The following SDCCAG8 variants were observed in gnomAD, a reference collection of about 807,000 sequenced individuals.
The protein encoded by SDCCAG8 is serologically defined colon cancer antigen 8.
In SDCCAG8, 74 loss-of-function variants were observed where a neutral mutation model predicts 101.8. The observed-to-expected ratio is 0.73, with a 90% CI of 0.60 to 0.88. The LOEUF is 0.88. Among genes scored for constraint, SDCCAG8 ranks in the 40% least tolerant of loss-of-function variants. The pLI, the probability that SDCCAG8 is intolerant of heterozygous loss-of-function variation, is 0.00. For synonymous variants in SDCCAG8, 281 were observed against 292.9 expected, an observed-to-expected ratio of 0.96 and a Z score of 0.41; for missense variants, 787 against 822.6, an observed-to-expected ratio of 0.96 and a Z score of 0.53.
At chr1:243,324,650 G>C (rs926448585) in intron 9 of SDCCAG8, among the ~76,000 whole-genome samples, 16 of 151,918 alleles carry the variant, frequency 1.1e-4, no homozygotes, top group Admixed American at 1.1e-3. Flanking sequence ...CTTATACCAA[G>C]TATGCAGACA....
intron 13 of SDCCAG8, among the ~76,000 whole-genome samples, chr1:243,403,704 G>A (rs1053986121): frequency 1.3e-5 from 2 of 152,116 alleles, no homozygotes; most frequent in Non-Finnish European, 2.9e-5. Flanking sequence ...TCTAGGTTGT[G>A]CACTCCTTAT....
At chr1:243,342,593 T>C (rs1249906586) in intron 11 of SDCCAG8, among the ~76,000 whole-genome samples, 2 of 152,226 alleles carry the variant, frequency 1.3e-5, no homozygotes, top group Non-Finnish European at 2.9e-5. Flanking sequence ...ATAATTATTA[T>C]CTTCTGATGT....
intron 12 of SDCCAG8, among the ~76,000 whole-genome samples, chr1:243,374,483 A>C (rs965863113): frequency 9.9e-5 from 15 of 152,126 alleles, no homozygotes; most frequent in African/African-American, 3.1e-4. Flanking sequence ...AGTACTAAGA[A>C]TCAGGATGGC....
chr1:243,378,624 CA>C, intron 12 of SDCCAG8, 96 bp from the exon 13 acceptor site: 1 of 1,339,840 alleles, frequency 7.5e-7, no homozygotes, highest in Non-Finnish European at 1.0e-6. Flanking sequence ...AATTTTTTAT[CA>C]AATTGAAATT....
chr1:243,302,923 C>G (rs1268573367), intron 6 of SDCCAG8, among the ~76,000 whole-genome samples: 1 of 152,154 alleles, frequency 6.6e-6, no homozygotes, highest in Admixed American at 6.5e-5. Context: ...TAGAAAAAGC[C>G]ATGAAAGTCA....
intron 4 of SDCCAG8, among the ~76,000 whole-genome samples, chr1:243,277,988 G>C (rs970704981): frequency 1.3e-5 from 2 of 152,048 alleles, no homozygotes; most frequent in Non-Finnish European, 2.9e-5. Context: ...TGGGACTTTT[G>C]CATCTCCCTG....
intron 10 of SDCCAG8, among the ~76,000 whole-genome samples, chr1:243,335,232 T>C (rs2074916446): frequency 6.6e-6 from 1 of 152,136 alleles, no homozygotes; most frequent in African/African-American, 2.4e-5. Flanking sequence ...GGCATTTTCG[T>C]TGAGCTTCCA....
At chr1:243,329,323 A>G (rs1362153232) in intron 9 of SDCCAG8, among the ~76,000 whole-genome samples, 1 of 152,174 alleles carries the variant, frequency 6.6e-6, no homozygotes, top group Non-Finnish European at 1.5e-5. Context: ...GAAACTTTTC[A>G]GAAGAGACCA....
chr1:243,348,125 T>C (rs1178707494), intron 12 of SDCCAG8, among the ~76,000 whole-genome samples: 1 of 140,594 alleles, frequency 7.1e-6, no homozygotes. Flanking sequence ...AAGCTCCGCC[T>C]CCCGGGTTCA....
chr1:243,402,643 G>GGCTGCCACTCCAGACGTC (rs2079486797), intron 13 of SDCCAG8, among the ~76,000 whole-genome samples: 1 of 152,098 alleles, frequency 6.6e-6, no homozygotes, highest in African/African-American at 2.4e-5. Flanking sequence ...CGTGGCCAGT[G>GGCTGCCACTCCAGACGTC]GCTGCCACTC....
chr1:243,284,885 G>C (rs2069446513), intron 4 of SDCCAG8, among the ~76,000 whole-genome samples: 1 of 151,910 alleles, frequency 6.6e-6, no homozygotes, highest in Non-Finnish European at 1.5e-5. Flanking sequence ...GGTCTTCCTG[G>C]AATTTTTTTT....
At chr1:243,482,715 G>T (rs948750750) in intron 16 of SDCCAG8, among the ~76,000 whole-genome samples, 5 of 152,236 alleles carry the variant, frequency 3.3e-5, no homozygotes, top group Non-Finnish European at 5.9e-5. Context: ...TTCCTGGGAG[G>T]AGGACTGGCT....
chr1:243,492,063 G>GTGGCCTCCA (rs898275643), intron 17 of SDCCAG8, among the ~76,000 whole-genome samples: 2 of 152,036 alleles, frequency 1.3e-5, no homozygotes, highest in African/African-American at 4.8e-5. Flanking sequence ...AGGCTGGCCT[G>GTGGCCTCCA]TGGCCTCCAA....
rs1435500668 is a variant in SDCCAG8 at position 243,416,923 on chromosome 1, GAAAT to G, written c.1745-1041_1745-1038del. 6.6e-6 allele frequency among the ~76,000 whole-genome samples: 1 copy of G among 152,100 alleles called. No individual in the cohort carries two copies. On this transcript the variant is annotated intron_variant, in intron 14 of 17. Coordinates refer to ENST00000366541, the MANE Select transcript of SDCCAG8 (RefSeq NM_006642.5). The surrounding 1 kb of genome is among the most constrained non-coding windows in gnomAD (Gnocchi z 4.3). ...GCCAATCATTGGCTAAAATTGAAAA[GAAAT>G]AAAGGCCTCTTAAAACTTATGCTTA...
chr1:243,295,756 T>A (rs762172908), intron 6 of SDCCAG8, among the ~76,000 whole-genome samples: 4 of 152,204 alleles, frequency 2.6e-5, no homozygotes, highest in African/African-American at 4.8e-5. Context: ...CATTCTGCTT[T>A]CCCGAATAGC....
chr1:243,433,338 T>G, intron 16 of SDCCAG8, among the ~76,000 whole-genome samples: 1 of 136,896 alleles, frequency 7.3e-6, no homozygotes, highest in African/African-American at 2.8e-5. Flanking sequence ...GGCAACAGAG[T>G]GCAACTCCGT....
intron 16 of SDCCAG8, among the ~76,000 whole-genome samples, chr1:243,434,212 C>T (rs903641759): frequency 2.6e-5 from 4 of 152,152 alleles, no homozygotes; most frequent in Non-Finnish European, 4.4e-5. Context: ...TTTTAAGTCC[C>T]GTATGACTTG....
At chr1:243,340,770 G>C (rs1284719885) in intron 10 of SDCCAG8, among the ~76,000 whole-genome samples, 1 of 152,086 alleles carries the variant, frequency 6.6e-6, no homozygotes, top group Non-Finnish European at 1.5e-5. Flanking sequence ...TGTCACTTTA[G>C]GGTTTCAACC....
At chr1:243,277,960 A>G (rs770499826) in intron 4 of SDCCAG8, among the ~76,000 whole-genome samples, 14 of 152,060 alleles carry the variant, frequency 9.2e-5, no homozygotes, top group Non-Finnish European at 1.9e-4. Flanking sequence ...TTCTTTTTCA[A>G]TATTGTGATG....
Sources: gnomAD v4.1 joint callset for allele counts (sites outside exome capture counted in the v4.1 genomes callset) on GRCh38, gnomAD v4.1.1 for gene constraint, Gnocchi (gnomAD v3.1) non-coding constraint, MANE v1.5 for transcripts, NCBI Gene and HGNC (gene_info 2026-07-23, HGNC 2026-07-21) for gene names.